LPGAT1: variants seen among roughly 807,000 people sequenced by gnomAD.
The protein encoded by LPGAT1 is lysophosphatidylglycerol acyltransferase 1.
In LPGAT1, 11 loss-of-function variants were observed where a neutral mutation model predicts 47.5. The observed-to-expected ratio is 0.23, with a 90% CI of 0.15 to 0.38. The LOEUF is 0.38. Ranked by LOEUF, LPGAT1 falls within the 10% of genes least tolerant of loss-of-function variation. The probability of loss-of-function intolerance (pLI) is 1.00; values close to 1 mark genes in which losing one functional copy is unlikely to be tolerated. For synonymous variants in LPGAT1, 138 were observed against 144.2 expected (o/e 0.96, Z 0.31); for missense variants, 293 against 439.0 (o/e 0.67, Z 2.97).
rs1292318676 is a variant in LPGAT1, at chr1:211,760,498, A to G, written c.855-9431T>C. 2.6e-5 allele frequency among the ~76,000 whole-genome samples: 4 copies of G among 152,096 alleles called. 1 individual carries two copies. Among genetic ancestry groups the G allele is most frequent in the Admixed American group, 2.6e-4 (4 of 15,254 alleles). On this transcript the variant is annotated intron_variant, in intron 6 of 7. Coordinates refer to ENST00000366997, the MANE Select transcript of LPGAT1 (RefSeq NM_014873.3). ...AAGAATACAGATATATTGTGTTTTCATTTCAACATTAATCTTCATTAATAA... is the reference window on the plus strand; with the variant it reads ...AAGAATACAGATATATTGTGTTTTCGTTTCAACATTAATCTTCATTAATAA...
chr1:211,789,446 T>G (rs1384333533), intron 3 of LPGAT1, among the ~76,000 whole-genome samples: 1 of 152,240 alleles, frequency 6.6e-6, no homozygotes, highest in Non-Finnish European at 1.5e-5. Context: ...AGGACAGCTC[T>G]GTTCCAACTT....
chr1:211,802,140 C>T (rs1453004473), intron 2 of LPGAT1, among the ~76,000 whole-genome samples: 1 of 150,826 alleles, frequency 6.6e-6, no homozygotes, highest in African/African-American at 2.4e-5. Context: ...ATATAAAATC[C>T]TGAATCTAAA....
intron 6 of LPGAT1, among the ~76,000 whole-genome samples, chr1:211,778,341 C>CAAA (rs551509650): frequency 2.4e-4 from 8 of 33,176 alleles, no homozygotes; most frequent in Non-Finnish European, 3.4e-4. Flanking sequence ...GACTCTGTCT[C>CAAA]AAAAAAAAAA....
chr1:211,749,838 T>G lies in LPGAT1; in HGVS notation c.*61A>C. ...ATTCTGATTTGCACATGTAAAATAA[T>G]GCACACTTATGAAAGAAAGTCTGAA... On this transcript the variant is annotated 3_prime_UTR_variant, in exon 8 of 8. Coordinates refer to ENST00000366997, the MANE Select transcript of LPGAT1 (RefSeq NM_014873.3). 2.0e-6 allele frequency: 3 copies of G among 1,525,708 alleles called. No individual in the cohort carries two copies. The highest frequency in any genetic ancestry group is 2.7e-6 in the Non-Finnish European group (3 of 1,114,620). 94.5% of individuals were successfully genotyped at this position (1,525,708 alleles called of 1,614,324 possible).
intron 3 of LPGAT1, among the ~76,000 whole-genome samples, chr1:211,788,619 T>G (rs1025470901): frequency 3.3e-5 from 5 of 151,694 alleles, no homozygotes; most frequent in African/African-American, 9.7e-5. Flanking sequence ...GAGGCACAGG[T>G]TGCAGTGAGC....
At chr1:211,763,085 T>A (rs1657767099) in intron 6 of LPGAT1, among the ~76,000 whole-genome samples, 1 of 152,236 alleles carries the variant, frequency 6.6e-6, no homozygotes, top group Non-Finnish European at 1.5e-5. Flanking sequence ...TGAGGGAATG[T>A]GTGTATCTAC....
At chr1:211,796,121 G>C (rs745439015) in intron 2 of LPGAT1, among the ~76,000 whole-genome samples, 54 of 151,678 alleles carry the variant, frequency 3.6e-4, no homozygotes, top group Admixed American at 3.3e-4. Flanking sequence ...ATAAGAATAA[G>C]TTTTTACATA....
intron 2 of LPGAT1, among the ~76,000 whole-genome samples, chr1:211,814,390 T>C (rs1245197192): frequency 6.6e-6 from 1 of 152,054 alleles, no homozygotes; most frequent in Non-Finnish European, 1.5e-5. Flanking sequence ...AGAACAGATT[T>C]TGGGGAGAGG....
chr1:211,755,914 C>G (rs1657426859), intron 6 of LPGAT1, among the ~76,000 whole-genome samples: 1 of 152,088 alleles, frequency 6.6e-6, no homozygotes, highest in Non-Finnish European at 1.5e-5. Context: ...GTGGGAGATC[C>G]TAAGGTCCAG....
chr1:211,764,230 T>G (rs1469216197), intron 6 of LPGAT1, among the ~76,000 whole-genome samples: 1 of 152,132 alleles, frequency 6.6e-6, no homozygotes, highest in African/African-American at 2.4e-5. Context: ...GTGTCTATGA[T>G]TATACCTATT....
chr1:211,815,155 C>T (rs767213355), intron 2 of LPGAT1, among the ~76,000 whole-genome samples: 3 of 152,232 alleles, frequency 2.0e-5, no homozygotes, highest in Non-Finnish European at 2.9e-5. Flanking sequence ...CTCTTTCTAG[C>T]TCAAGTTTCC....
chr1:211,830,600 C>A lies in LPGAT1; in HGVS notation c.-55G>T, dbSNP rs935064151. On this transcript the variant is annotated 5_prime_UTR_variant, in exon 1 of 8. Coordinates refer to ENST00000366997, the MANE Select transcript of LPGAT1 (RefSeq NM_014873.3). This position sits in a 1 kb window ranked among gnomAD's most constrained non-coding sequence, Gnocchi z 5.9. The stretch of plus-strand genomic sequence containing the variant: ...CGGGCTGGCCGGGCCCCAGCCGGGG[C>A]TTTGGGAGTCAGAGGAGCCGGAAGA... 6.2e-5 allele frequency: 71 copies of A among 1,150,156 alleles called. No individual in the cohort carries two copies. Among genetic ancestry groups the A allele is most frequent in the Non-Finnish European group, 7.0e-5 (66 of 938,422 alleles). 71.2% of individuals were successfully genotyped at this position (1,150,156 alleles called of 1,614,324 possible). A position where few individuals can be genotyped will look rare whatever the true frequency, so the allele number is the denominator to read the frequency against.
intron 2 of LPGAT1, among the ~76,000 whole-genome samples, chr1:211,797,962 C>G (rs974481262): frequency 6.6e-6 from 1 of 151,750 alleles, no homozygotes; most frequent in African/African-American, 2.4e-5. Flanking sequence ...ACACAACACA[C>G]ACACATACAC....
intron 2 of LPGAT1, among the ~76,000 whole-genome samples, chr1:211,797,379 A>C (rs1201546109): frequency 6.7e-6 from 1 of 150,230 alleles, no homozygotes; most frequent in African/African-American, 2.4e-5. Context: ...CAGCCTCCCA[A>C]GGTGCTGGGA....
intron 6 of LPGAT1, among the ~76,000 whole-genome samples, chr1:211,765,937 C>T (rs531925001): frequency 3.3e-5 from 5 of 152,158 alleles, no homozygotes; most frequent in South Asian, 4.1e-4. Context: ...TCCCTTCCCC[C>T]GCAATGTGGG....
chr1:211,814,426 G>T (rs1396402459), intron 2 of LPGAT1, among the ~76,000 whole-genome samples: 1 of 152,148 alleles, frequency 6.6e-6, no homozygotes, highest in African/African-American at 2.4e-5. Context: ...AAAATGAGGA[G>T]GGGTTGCAGG....
intron 6 of LPGAT1, among the ~76,000 whole-genome samples, chr1:211,758,529 C>T (rs1657558567): frequency 6.6e-6 from 1 of 152,010 alleles, no homozygotes; most frequent in African/African-American, 2.4e-5. Flanking sequence ...CGGTGAAACC[C>T]CATCTCTACT....
At chr1:211,812,829 G>A (rs1178012233) in intron 2 of LPGAT1, among the ~76,000 whole-genome samples, 3 of 152,158 alleles carry the variant, frequency 2.0e-5, no homozygotes, top group Non-Finnish European at 4.4e-5. Context: ...AAGAGGTGAG[G>A]GATCTCCCCC....
At chr1:211,815,773 CTTTTT>C (rs938719098) in intron 2 of LPGAT1, among the ~76,000 whole-genome samples, 73 of 101,838 alleles carry the variant, frequency 7.2e-4, no homozygotes, top group Admixed American at 2.0e-3. Context: ...AAATGCTTTT[CTTTTT>C]TTTTTTTTTT....
Sources: allele counts gnomAD v4.1 joint callset (sites outside exome capture counted in the v4.1 genomes callset), GRCh38; gene constraint gnomAD v4.1.1; non-coding constraint Gnocchi (gnomAD v3.1); transcripts MANE v1.5; gene names NCBI Gene and HGNC (gene_info 2026-07-23, HGNC 2026-07-21).